TTC23: variants seen among roughly 807,000 people sequenced by gnomAD.
TTC23 encodes tetratricopeptide repeat protein 23.
A neutral mutation model predicts 55.1 loss-of-function variants in TTC23; 58 were observed. The observed-to-expected ratio is 1.05, with a 90% CI of 0.85 to 1.31. TTC23 has a LOEUF of 1.31. TTC23 is among the 50% of genes most tolerant of loss of function. The pLI, the probability that TTC23 is intolerant of heterozygous loss-of-function variation, is 0.00. For synonymous variants in TTC23, 203 were observed against 199.9 expected, an observed-to-expected ratio of 1.02 and a Z score of -0.13; for missense variants, 516 against 534.4, an observed-to-expected ratio of 0.97 and a Z score of 0.34.
At chr15:99,154,434 C>T (rs1445089561) in intron 12 of TTC23, among the ~76,000 whole-genome samples, 2 of 152,116 alleles carry the variant, frequency 1.3e-5, no homozygotes, top group Non-Finnish European at 2.9e-5. Context: ...GGACTCTGCC[C>T]TCATGCATAG....
chr15:99,236,655 T>G (rs1385441144), intron 3 of TTC23, among the ~76,000 whole-genome samples: 1 of 152,194 alleles, frequency 6.6e-6, no homozygotes, highest in Non-Finnish European at 1.5e-5. Context: ...CCCAAAGTGC[T>G]GGGATTATAG....
Position 99,234,983 on chromosome 15 carries a change from C to G in TTC23, c.-21+5G>C, listed in dbSNP as rs141231937. ...TAAAATAAGGCCAAGCATGGTGGCT[C>G]ATACCTGTAATCCCAGCACTCTGGG... On this transcript the variant is annotated splice_donor_5th_base_variant and intron_variant, in intron 4 of 13. Transcript: ENST00000394132. 59 of 151,820 alleles carry G rather than the reference C, an allele frequency of 3.9e-4. No individual in the cohort carries two copies. The highest frequency in any genetic ancestry group is 1.3e-3 in the African/African-American group (55 of 41,448). 9.4% of individuals were successfully genotyped at this position (151,820 alleles called of 1,614,324 possible). A position where few individuals can be genotyped will look rare whatever the true frequency, so the allele number is the denominator to read the frequency against.
intron 9 of TTC23, among the ~76,000 whole-genome samples, chr15:99,188,567 A>G (rs181115920): frequency 6.6e-6 from 1 of 152,176 alleles, no homozygotes; most frequent in East Asian, 1.9e-4. Context: ...CAAAGGGGCA[A>G]TATGTATAAG....
chr15:99,153,903 A>G (rs568662768), intron 12 of TTC23, among the ~76,000 whole-genome samples: 244 of 152,354 alleles, frequency 1.6e-3, no homozygotes, highest in African/African-American at 5.6e-3. Flanking sequence ...TAATGGGAAG[A>G]TAACTGTTAA....
At chr15:99,152,526 C>T (rs903504028) in intron 12 of TTC23, among the ~76,000 whole-genome samples, 32 of 151,900 alleles carry the variant, frequency 2.1e-4, no homozygotes, top group Non-Finnish European at 3.8e-4. Context: ...TACAGGTATG[C>T]GCCAGCAGCT....
intron 9 of TTC23, among the ~76,000 whole-genome samples, chr15:99,180,663 CTG>C (rs1438460085): frequency 2.6e-5 from 4 of 152,192 alleles, no homozygotes; most frequent in African/African-American, 4.8e-5. Flanking sequence ...TGGAAGGAGT[CTG>C]AGTGTGGAAT....
intron 9 of TTC23, among the ~76,000 whole-genome samples, chr15:99,179,852 G>A (rs1432778470): frequency 6.6e-6 from 1 of 152,236 alleles, no homozygotes; most frequent in African/African-American, 2.4e-5. Context: ...AGCACATGCT[G>A]GGCAGTGAGG....
intron 3 of TTC23, among the ~76,000 whole-genome samples, chr15:99,240,669 T>C (rs982478357): frequency 6.6e-6 from 1 of 152,232 alleles, no homozygotes; most frequent in Non-Finnish European, 1.5e-5. Flanking sequence ...TTCTTGTGTC[T>C]TATTGTAGGA....
At chr15:99,150,060 T>A (rs1277067175) in intron 12 of TTC23, among the ~76,000 whole-genome samples, 1 of 152,202 alleles carries the variant, frequency 6.6e-6, no homozygotes, top group African/African-American at 2.4e-5. Context: ...AAAGCAGGTA[T>A]TCCCAGTGGC....
chr15:99,243,956 T>C (rs577933503), intron 2 of TTC23, among the ~76,000 whole-genome samples: 1 of 152,228 alleles, frequency 6.6e-6, no homozygotes, highest in East Asian at 1.9e-4. Context: ...TTGTATATTT[T>C]AAAATAACTA....
intron 9 of TTC23, among the ~76,000 whole-genome samples, chr15:99,183,252 A>G (rs891354269): frequency 2.6e-5 from 4 of 152,012 alleles, no homozygotes; most frequent in Admixed American, 6.6e-5. Context: ...TTTTGGCCCT[A>G]CCCTAGATCT....
At chr15:99,195,663 A>G (rs1443676851) in intron 9 of TTC23, among the ~76,000 whole-genome samples, 1 of 152,318 alleles carries the variant, frequency 6.6e-6, no homozygotes, top group East Asian at 1.9e-4. Context: ...ACATGATGTT[A>G]TAAGTTTGTG....
chr15:99,192,392 CCATGCTGTGTGCAGCCT>C (rs1415616541), intron 9 of TTC23, among the ~76,000 whole-genome samples: 1 of 152,184 alleles, frequency 6.6e-6, no homozygotes, highest in Non-Finnish European at 1.5e-5. Flanking sequence ...CCCAGGGTCC[CCATGCTGTGTGCAGCCT>C]AGGAACTTGA....
intron 10 of TTC23, among the ~76,000 whole-genome samples, chr15:99,169,977 T>C (rs1432316124): frequency 1.3e-5 from 2 of 152,174 alleles, no homozygotes; most frequent in African/African-American, 4.8e-5. Context: ...GGCTCTGCCC[T>C]CTCAAAGGCT....
Position 99,203,429 on chromosome 15 carries a change from A to G in TTC23, c.582-3333T>C, listed in dbSNP as rs536333187. 3.3e-5 allele frequency among the ~76,000 whole-genome samples: 5 copies of G among 152,254 alleles called. No homozygotes were observed. In the South Asian group the frequency reaches 1.0e-3, roughly 32 times the overall value. On this transcript the variant is annotated intron_variant, in intron 8 of 13. Transcript: ENST00000394132. ...AAGTTAATGATCGAATCAGGGTTATAGCATACCCATCACCTCAAGCATTTA... is the reference window on the plus strand; with the variant it reads ...AAGTTAATGATCGAATCAGGGTTATGGCATACCCATCACCTCAAGCATTTA...
At chr15:99,193,988 G>A (rs1428687657) in intron 9 of TTC23, among the ~76,000 whole-genome samples, 1 of 151,614 alleles carries the variant, frequency 6.6e-6, no homozygotes, top group Non-Finnish European at 1.5e-5. Flanking sequence ...CAGCCTGGGT[G>A]GCAAGAGCAA....
rs1217783035 is a variant in TTC23 at position 99,218,931 on chromosome 15, T to C, written c.422A>G (p.His141Arg). The change falls in exon 7 of 14, where the codon CAT becomes CGT. Residue 141 changes from histidine to arginine, a missense_variant. Coordinates refer to ENST00000394132, the MANE Select transcript of TTC23 (RefSeq NM_001288615.3). ...DVFKFSIELF[H>R]TMGRALLSLQ... Reference sequence around the variant, plus strand: ...GGAGAGTAAAGCTCTGCCCATGGTATGGAAAAGCTCAATGGAAAACTTGAA... The same window carrying C: ...GGAGAGTAAAGCTCTGCCCATGGTACGGAAAAGCTCAATGGAAAACTTGAA... 1 of 1,614,142 alleles carries C rather than the reference T, an allele frequency of 6.2e-7. No homozygotes were observed. The highest frequency in any genetic ancestry group is 1.7e-5 in the Admixed American group (1 of 60,024).
chr15:99,139,935 C>T (rs2068033074), intron 12 of TTC23: 3 of 351,508 alleles, frequency 8.5e-6, no homozygotes, highest in Non-Finnish European at 1.6e-5. Context: ...TAAGTCTTGC[C>T]ATTTGATTGC....
chr15:99,181,765 A>C (rs1288756847), intron 9 of TTC23, among the ~76,000 whole-genome samples: 2 of 152,208 alleles, frequency 1.3e-5, no homozygotes, highest in Non-Finnish European at 2.9e-5. Context: ...ACCTTGGCTA[A>C]GAAAAAGACG....
Sources: allele counts gnomAD v4.1 joint callset (sites outside exome capture counted in the v4.1 genomes callset), GRCh38; gene constraint gnomAD v4.1.1; transcripts MANE v1.5; gene names NCBI Gene and HGNC (gene_info 2026-07-23, HGNC 2026-07-21).